ZNF804A: variants seen among roughly 807,000 people sequenced by gnomAD.
ZNF804A encodes the protein zinc finger protein 804A.
A neutral mutation model predicts 16.5 loss-of-function variants in ZNF804A; 2 were observed. That is an observed-to-expected ratio of 0.12 (90% CI 0.05 to 0.38). The LOEUF (loss-of-function observed/expected upper bound fraction) is 0.38. ZNF804A is among the 10% of genes least tolerant of loss of function. ZNF804A has a pLI of 0.99. For missense variants in ZNF804A, 1,473 were observed against 1,390.7 expected, an observed-to-expected ratio of 1.06 and a Z score of -0.94; for synonymous variants, 534 against 489.6, an observed-to-expected ratio of 1.09 and a Z score of -1.20.
rs767873069 is a variant in ZNF804A, at chr2:184,938,181, A to G, written c.2785A>G (p.Ile929Val). The G allele has an allele frequency of 1.9e-6, 3 of 1,614,150 alleles. No homozygotes were observed. The highest frequency in any genetic ancestry group is 1.7e-6 in the Non-Finnish European group (2 of 1,180,032). Residue 929 changes from isoleucine to valine, a missense_variant, in exon 4 of 4, where the codon ATT (isoleucine) becomes GTT (valine). Ile to Val is a conservative substitution (Grantham distance 29). Coordinates refer to ENST00000302277, the MANE Select transcript of ZNF804A (RefSeq NM_194250.2). ...CVASAPTKEA[I>V]DNTLLEHKER... ...AGCTAGTGCCCCAACAAAAGAAGCA[A>G]TTGACAATACCCTGCTTGAACACAA...
intron 1 of ZNF804A, among the ~76,000 whole-genome samples, chr2:184,628,212 T>A (rs1303759746): frequency 1.3e-5 from 2 of 151,672 alleles, no homozygotes; most frequent in Non-Finnish European, 2.9e-5. Context: ...TACTTGGGAG[T>A]CTTGAGGCAG....
intron 2 of ZNF804A, among the ~76,000 whole-genome samples, chr2:184,928,819 A>G (rs963262585): frequency 1.3e-5 from 2 of 152,166 alleles, no homozygotes; most frequent in African/African-American, 2.4e-5. Flanking sequence ...GCAGGAAAGC[A>G]CTGAGTTCAA....
chr2:184,902,590 A>G (rs1472625177), intron 2 of ZNF804A: 4 of 152,018 alleles, frequency 2.6e-5, no homozygotes, highest in Non-Finnish European at 5.9e-5. Context: ...GGTACTATTA[A>G]ATCTAATATG....
At chr2:184,670,021 A>C (rs767572965) in intron 1 of ZNF804A, among the ~76,000 whole-genome samples, 1 of 152,096 alleles carries the variant, frequency 6.6e-6, no homozygotes, top group Non-Finnish European at 1.5e-5. Flanking sequence ...TTTTTCACTA[A>C]GTTTTTAATG....
chr2:184,816,051 G>T (rs994111263), intron 1 of ZNF804A, among the ~76,000 whole-genome samples: 1 of 152,016 alleles, frequency 6.6e-6, no homozygotes, highest in African/African-American at 2.4e-5. Context: ...ACAGAGCCAG[G>T]AACATAACAT....
At position 184,831,269 on chromosome 2, in the gene ZNF804A, T is replaced by C. The variant is rs576608152; in HGVS notation, c.112-35100T>C. Among the ~76,000 whole-genome samples, 3 of 151,678 alleles carry C rather than the reference T, an allele frequency of 2.0e-5. No individual in the cohort carries two copies. In the East Asian group the frequency reaches 5.8e-4, roughly 29 times the overall value. ...CTCATCTTTGGATTTTGAAAATTAATATTAAATCAGTTTTTTTTGCATTTT... is the reference window on the plus strand; with the variant it reads ...CTCATCTTTGGATTTTGAAAATTAACATTAAATCAGTTTTTTTTGCATTTT... On this transcript the variant is annotated intron_variant, in intron 1 of 3. Transcript: ENST00000302277.
chr2:184,915,095 T>G (rs753792822), intron 2 of ZNF804A, among the ~76,000 whole-genome samples: 1 of 151,948 alleles, frequency 6.6e-6, no homozygotes, highest in Non-Finnish European at 1.5e-5. Flanking sequence ...CTCTTATCTG[T>G]GTAAAACATG....
At chr2:184,847,099 T>C (rs537156807) in intron 1 of ZNF804A, among the ~76,000 whole-genome samples, 1 of 152,290 alleles carries the variant, frequency 6.6e-6, no homozygotes, top group Admixed American at 6.6e-5. Context: ...AGAATTTTTC[T>C]TGTTCCAGTT....
chr2:184,644,407 GTTTTC>G (rs1691841166), intron 1 of ZNF804A, among the ~76,000 whole-genome samples: 1 of 151,418 alleles, frequency 6.6e-6, no homozygotes, highest in African/African-American at 2.4e-5. Context: ...TTTTAAACCA[GTTTTC>G]TTTTCTAAAT....
rs764292649 is a variant in ZNF804A at position 184,938,032 on chromosome 2, T to C, written c.2636T>C (p.Leu879Pro). Residue 879 changes from leucine (L) to proline (P), a missense_variant, in exon 4 of 4, where the codon CTG (leucine) becomes CCG (proline). By Grantham distance (98) the Leu-to-Pro change is moderately conservative. Transcript: ENST00000302277. ...CAAACAAACCAATTAAGAAACAAACTGTCTTTCCACCCTAACAATCTCCTT... is the reference window on the plus strand; with the variant it reads ...CAAACAAACCAATTAAGAAACAAACCGTCTTTCCACCCTAACAATCTCCTT... ...SEQTNQLRNK[L>P]SFHPNNLLPS... The C allele has an allele frequency of 3.7e-6, 6 of 1,614,012 alleles. No individual in the cohort carries two copies. The highest frequency in any genetic ancestry group is 5.1e-6 in the Non-Finnish European group (6 of 1,180,002).
Position 184,892,483 on chromosome 2 carries a change from C to CTTTTTTTTTTTT in ZNF804A, c.255+25982_255+25993dup, listed in dbSNP as rs869292193. On this transcript the variant is annotated intron_variant, in intron 2 of 3. Transcript: ENST00000302277. ...CTTCTATTCCTCACATTGTTGTGTT[C>CTTTTTTTTTTTT]TTTTTTTTTTTTTTTTTTTTTTATG... 8.5e-5 allele frequency among the ~76,000 whole-genome samples: 9 copies of CTTTTTTTTTTTT among 105,708 alleles called. No homozygotes were observed. The East Asian group carries it at 9.5e-4, about 11-fold the overall frequency. The allele number at this position is 105,708 out of a possible 152,430, so 69.3% of individuals were successfully genotyped here. A position where few individuals can be genotyped will look rare whatever the true frequency, so the allele number is the denominator to read the frequency against.
In ZNF804A at chr2:184,902,199, G is replaced by A. The variant is rs17431708; in HGVS notation, c.256-31404G>A. 992 of 165,190 alleles carry A rather than the reference G, an allele frequency of 6.0e-3. 3 individuals carry two copies. Among genetic ancestry groups the A allele is most frequent in the Non-Finnish European group, 9.7e-3 (728 of 74,960 alleles). 10.2% of individuals were successfully genotyped at this position (165,190 alleles called of 1,614,324 possible). On this transcript the variant is annotated intron_variant, in intron 2 of 3. Transcript: ENST00000302277. ...ATTCTCTTTTTTAGGCCTGATCAGG[G>A]TGTGGACCTTGGCCACATCAGTCTT... is the stretch of plus-strand genomic sequence containing the variant.
At chr2:184,661,203 A>T (rs1049694127) in intron 1 of ZNF804A, among the ~76,000 whole-genome samples, 1 of 152,134 alleles carries the variant, frequency 6.6e-6, no homozygotes, top group African/African-American at 2.4e-5. Context: ...TTAAGTGAAA[A>T]GGAGAGTTAC....
chr2:184,829,315 T>A (rs1695221753), intron 1 of ZNF804A, among the ~76,000 whole-genome samples: 1 of 151,962 alleles, frequency 6.6e-6, no homozygotes, highest in East Asian at 1.9e-4. Flanking sequence ...GAATAAATAA[T>A]TTTTAAAGAC....
intron 1 of ZNF804A, among the ~76,000 whole-genome samples, chr2:184,718,779 C>T (rs1454985568): frequency 6.6e-6 from 1 of 152,166 alleles, no homozygotes; most frequent in East Asian, 1.9e-4. Context: ...AGCCTCCCTC[C>T]TGGCTGCTTT....
intron 2 of ZNF804A, among the ~76,000 whole-genome samples, chr2:184,892,526 C>G (rs547143826): frequency 4.4e-5 from 6 of 135,568 alleles, no homozygotes; most frequent in African/African-American, 1.7e-4. Flanking sequence ...GCTCTGTTGC[C>G]TAGGCTGGAG....
chr2:184,867,444 T>A (rs1006573870), intron 2 of ZNF804A, among the ~76,000 whole-genome samples: 4 of 152,102 alleles, frequency 2.6e-5, no homozygotes, highest in Non-Finnish European at 5.9e-5. Context: ...AAAGTGATCA[T>A]GTTAAACGAT....
intron 1 of ZNF804A, among the ~76,000 whole-genome samples, chr2:184,785,711 C>T (rs1293419176): frequency 6.6e-6 from 1 of 151,896 alleles, no homozygotes; most frequent in Admixed American, 6.6e-5. Context: ...TGTGTGTATG[C>T]ATATACAAGA....
intron 1 of ZNF804A, among the ~76,000 whole-genome samples, chr2:184,848,578 A>G (rs1349231989): frequency 6.6e-6 from 1 of 152,078 alleles, no homozygotes; most frequent in Admixed American, 6.6e-5. Flanking sequence ...TGTGTTATGC[A>G]AACATCTGTT....
Sources: gnomAD v4.1 joint callset for allele counts (sites outside exome capture counted in the v4.1 genomes callset) on GRCh38, gnomAD v4.1.1 for gene constraint, MANE v1.5 for transcripts, NCBI Gene and HGNC (gene_info 2026-07-23, HGNC 2026-07-21) for gene names.